AATF: variants seen among roughly 807,000 people sequenced by gnomAD.
The protein encoded by AATF is apoptosis antagonizing transcription factor.
Under a neutral mutation model 63.7 loss-of-function variants are expected in AATF, and 48 were observed. That is an observed-to-expected ratio of 0.75 (90% CI 0.60 to 0.96). The LOEUF (loss-of-function observed/expected upper bound fraction) is 0.96, where lower values mean the gene tolerates loss of function less well. AATF is among the 40% of genes least tolerant of loss of function. The pLI, the probability that AATF is intolerant of heterozygous loss-of-function variation, is 0.00. For missense variants in AATF, 639 were observed against 685.7 expected, an observed-to-expected ratio of 0.93 and a Z score of 0.76; for synonymous variants, 258 against 247.7, an observed-to-expected ratio of 1.04 and a Z score of -0.39.
At chr17:36,977,435 T>C (rs2142232938) in intron 4 of AATF, among the ~76,000 whole-genome samples, 3 of 152,256 alleles carry the variant, frequency 2.0e-5, no homozygotes, top group Middle Eastern at 6.8e-3. Flanking sequence ...AGAGAGAATT[T>C]GGGCATTTGC....
intron 11 of AATF, among the ~76,000 whole-genome samples, chr17:37,041,013 A>T (rs1350025048): frequency 2.6e-5 from 4 of 152,220 alleles, no homozygotes; most frequent in Non-Finnish European, 5.9e-5. Context: ...TTTCCTGTAT[A>T]ATAAAAATAG....
rs201315340 is a variant in AATF, at chr17:37,034,366, G to GT, written c.1619+2690dup. Among the ~76,000 whole-genome samples, 307 of 150,278 alleles carry GT rather than the reference G, an allele frequency of 2.0e-3. 3 individuals carry two copies. Among genetic ancestry groups the GT allele is most frequent in the African/African-American group, 6.8e-3 (279 of 41,008 alleles). On this transcript the variant is annotated intron_variant, in intron 11 of 11. Transcript: ENST00000619387. ...AAGTAGTAATAGCTTATCCTCCTTT[G>GT]TTTTTTTTTAGTGGAAAAACAAAAG...
intron 4 of AATF, among the ~76,000 whole-genome samples, chr17:36,980,742 A>AT (rs2071116736): frequency 6.6e-6 from 1 of 152,104 alleles, no homozygotes; most frequent in Non-Finnish European, 1.5e-5. Context: ...GAGGCTTACC[A>AT]TTTGCAGCAA....
chr17:36,998,090 G>A (rs916917623), intron 8 of AATF, among the ~76,000 whole-genome samples: 1 of 152,132 alleles, frequency 6.6e-6, no homozygotes. Context: ...GTGGAAGAGG[G>A]GCAAGGGATA....
intron 11 of AATF, among the ~76,000 whole-genome samples, chr17:37,051,697 G>GAC (rs59773430): frequency 0.11 from 15,280 of 137,040 alleles, 836 homozygotes; most frequent in Middle Eastern, 0.18. Flanking sequence ...CAGACAGACA[G>GAC]ACACACACAC....
intron 4 of AATF, among the ~76,000 whole-genome samples, chr17:36,964,280 G>A (rs1227940143): frequency 2.7e-5 from 4 of 150,144 alleles, no homozygotes; most frequent in Non-Finnish European, 5.9e-5. Flanking sequence ...GACATCTGTT[G>A]TCACAGTGTC....
intron 9 of AATF, among the ~76,000 whole-genome samples, chr17:37,020,045 G>A (rs1204940188): frequency 6.6e-6 from 1 of 151,880 alleles, no homozygotes; most frequent in Non-Finnish European, 1.5e-5. Context: ...AAATCAGGTA[G>A]GATGACTAGC....
intron 4 of AATF, among the ~76,000 whole-genome samples, chr17:36,958,645 G>A (rs565894502): frequency 6.6e-6 from 1 of 152,240 alleles, no homozygotes; most frequent in East Asian, 1.9e-4. Context: ...ACCCCCACAT[G>A]CCTTCACCAG....
At chr17:36,950,804 C>A (rs1451799508) in intron 2 of AATF, among the ~76,000 whole-genome samples, 1 of 152,138 alleles carries the variant, frequency 6.6e-6, no homozygotes, top group East Asian at 1.9e-4. Flanking sequence ...AATCTAAAGC[C>A]CAGAGTGATT....
chr17:36,964,169 G>GC (rs57239881), intron 4 of AATF, among the ~76,000 whole-genome samples: 5,400 of 132,612 alleles, frequency 0.041, 342 homozygotes, highest in African/African-American at 0.14. Flanking sequence ...GGGGTGTTTT[G>GC]CTTTTTTTTT....
chr17:37,016,476 G>A (rs553915048), intron 8 of AATF, among the ~76,000 whole-genome samples: 4 of 152,154 alleles, frequency 2.6e-5, no homozygotes, highest in African/African-American at 7.2e-5. Flanking sequence ...AAGCCTTTCC[G>A]AATTGATTAT....
At chr17:37,044,505 G>A (rs934227736) in intron 11 of AATF, among the ~76,000 whole-genome samples, 2 of 152,058 alleles carry the variant, frequency 1.3e-5, no homozygotes, top group Non-Finnish European at 1.5e-5. Context: ...TCACTTCCAA[G>A]ACCCTAAACT....
intron 1 of AATF, 51 bp downstream of exon 1, chr17:36,949,267 T>C: frequency 1.3e-6 from 2 of 1,525,284 alleles, no homozygotes; most frequent in Non-Finnish European, 1.8e-6. Flanking sequence ...CCAGGCCCTG[T>C]GGGGCAAGGG....
intron 8 of AATF, among the ~76,000 whole-genome samples, chr17:37,006,859 G>A (rs145770327): frequency 4.1e-4 from 62 of 152,292 alleles, no homozygotes; most frequent in African/African-American, 1.3e-3. Flanking sequence ...AGGCCTTAGC[G>A]CTAGCTCCGG....
chr17:36,954,538 A>AG (rs1248559362), intron 4 of AATF, among the ~76,000 whole-genome samples: 1 of 152,234 alleles, frequency 6.6e-6, no homozygotes, highest in Non-Finnish European at 1.5e-5. Flanking sequence ...CAATGTGCTA[A>AG]GATGATCTTA....
intron 11 of AATF, among the ~76,000 whole-genome samples, chr17:37,049,859 G>A (rs1039698638): frequency 1.3e-5 from 2 of 152,204 alleles, no homozygotes; most frequent in Non-Finnish European, 2.9e-5. Context: ...ACAGAAGAGA[G>A]TGGAGGCCTT....
intron 5 of AATF, among the ~76,000 whole-genome samples, chr17:36,987,911 C>T (rs1213351635): frequency 6.6e-6 from 1 of 152,184 alleles, no homozygotes; most frequent in African/African-American, 2.4e-5. Flanking sequence ...ATACTGCAGG[C>T]CTGGTTCATA....
Position 37,021,495 on chromosome 17 carries a change from G to C in AATF, c.1547+481G>C, listed in dbSNP as rs561236100. Among the ~76,000 whole-genome samples, 152 of 152,178 alleles carry C rather than the reference G, an allele frequency of 1.0e-3. 1 individual carries two copies. The highest frequency in any genetic ancestry group is 6.8e-3 in the Middle Eastern group (2 of 294). On this transcript the variant is annotated intron_variant, in intron 10 of 11. Transcript: ENST00000619387. ...AATACAAAAATTAGCTGGGTGTGGT[G>C]GCGGGTGCCTATAGTCCCAGCTACT...
intron 10 of AATF, among the ~76,000 whole-genome samples, chr17:37,026,295 T>C (rs1017266458): frequency 2.6e-5 from 4 of 152,208 alleles, no homozygotes; most frequent in Non-Finnish European, 5.9e-5. Flanking sequence ...AAGTTTTTAA[T>C]GTAAGTTCAT....
Sources: allele counts gnomAD v4.1 joint callset (sites outside exome capture counted in the v4.1 genomes callset), GRCh38; gene constraint gnomAD v4.1.1; transcripts MANE v1.5; gene names NCBI Gene and HGNC (gene_info 2026-07-23, HGNC 2026-07-21).